Variants in RFC3 observed in about 807,000 individuals in gnomAD.
RFC3 encodes the protein replication factor C subunit 3, also known as A1 38 kDa subunit.
A neutral mutation model predicts 45.1 loss-of-function variants in RFC3; 41 were observed. The ratio of observed to expected loss-of-function variants is 0.91; its 90% CI spans 0.71 to 1.18. The LOEUF (loss-of-function observed/expected upper bound fraction) is 1.18, where lower values mean the gene tolerates loss of function less well. Ranked by LOEUF, RFC3 falls within the 50% of genes most tolerant of loss-of-function variation. RFC3 has a pLI of 0.00. For synonymous variants in RFC3, 149 were observed against 144.0 expected (o/e 1.03, Z -0.25); for missense variants, 423 against 428.1 (o/e 0.99, Z 0.10).
chr13:33,882,568 G>A (rs1183032560), intron 8 of RFC3, among the ~76,000 whole-genome samples: 6 of 152,180 alleles, frequency 3.9e-5, no homozygotes, highest in East Asian at 1.9e-4. Flanking sequence ...TATGCCTGCC[G>A]TGTGAGGATA....
the RFC3 span, among the ~76,000 whole-genome samples, chr13:33,975,828 T>C: frequency 6.6e-6 from 1 of 152,184 alleles, no homozygotes; most frequent in Non-Finnish European, 1.5e-5. Context: ...ATTAATTTAA[T>C]GTATATGCAT....
intron 8 of RFC3, among the ~76,000 whole-genome samples, chr13:33,927,826 G>C (rs1318124865): frequency 6.6e-6 from 1 of 152,070 alleles, no homozygotes; most frequent in African/African-American, 2.4e-5. Context: ...GTGAGAAATA[G>C]GTTGATTTAC....
At chr13:33,925,128 A>ACACG (rs1566030547) in intron 8 of RFC3, among the ~76,000 whole-genome samples, 48 of 148,262 alleles carry the variant, frequency 3.2e-4, no homozygotes, top group East Asian at 1.2e-3. Context: ...GTACATATAT[A>ACACG]CATGCATATA....
intron 8 of RFC3, among the ~76,000 whole-genome samples, chr13:33,956,476 C>T (rs2083022626): frequency 6.6e-6 from 1 of 152,214 alleles, no homozygotes; most frequent in South Asian, 2.1e-4. Flanking sequence ...TAATAAATTT[C>T]CCTAAACTCT....
At chr13:33,958,116 G>A (rs1158594499) in intron 8 of RFC3, among the ~76,000 whole-genome samples, 12 of 152,342 alleles carry the variant, frequency 7.9e-5, no homozygotes, top group East Asian at 1.9e-4. Flanking sequence ...CATGGATAGC[G>A]AGATCAGAGA....
chr13:33,936,782 G>C (rs1346611595), intron 8 of RFC3, among the ~76,000 whole-genome samples: 1 of 152,124 alleles, frequency 6.6e-6, no homozygotes, highest in Non-Finnish European at 1.5e-5. Flanking sequence ...TTCAGTTATT[G>C]TGAGCCATTC....
At chr13:33,820,017 C>T (rs3135547) in intron 1 of RFC3, among the ~76,000 whole-genome samples, 5,278 of 152,214 alleles carry the variant, frequency 0.035, 191 homozygotes, top group African/African-American at 0.086. Context: ...TATTAAAATT[C>T]ATTGCAATAA....
rs2082088882 is a variant in RFC3 at position 33,830,159 on chromosome 13, C to G, written c.573+142C>G. 2.2e-5 allele frequency: 15 copies of G among 676,154 alleles called. 1 individual carries two copies. The South Asian group carries it at 2.7e-4, about 12-fold the overall frequency. 41.9% of individuals were successfully genotyped at this position (676,154 alleles called of 1,614,324 possible). ...TGCAAAGCATTAATATGTGAACAAA[C>G]CAAAGCGTATAGTTGTAAATACCAG... is the stretch of plus-strand genomic sequence containing the variant. On this transcript the variant is annotated intron_variant, in intron 5 of 8. Transcript: ENST00000380071.
chr13:33,870,276 G>A (rs1439566190), intron 8 of RFC3, among the ~76,000 whole-genome samples: 2 of 152,164 alleles, frequency 1.3e-5, no homozygotes, highest in African/African-American at 4.8e-5. Context: ...TGTTTATTCA[G>A]AAGAAATGAA....
At chr13:33,907,653 T>C (rs573747745) in intron 8 of RFC3, among the ~76,000 whole-genome samples, 1 of 152,194 alleles carries the variant, frequency 6.6e-6, no homozygotes, top group East Asian at 1.9e-4. Flanking sequence ...ATCATCCTAA[T>C]AGATATTATT....
At chr13:33,956,222 A>G (rs540762510) in intron 8 of RFC3, among the ~76,000 whole-genome samples, 3 of 152,342 alleles carry the variant, frequency 2.0e-5, no homozygotes, top group Non-Finnish European at 4.4e-5. Flanking sequence ...CCTTTCTTGC[A>G]CTGAGGTTAA....
At chr13:33,940,567 C>T (rs2082916714) in intron 8 of RFC3, among the ~76,000 whole-genome samples, 1 of 152,176 alleles carries the variant, frequency 6.6e-6, no homozygotes, top group East Asian at 1.9e-4. Context: ...ATGCTGTTGT[C>T]ATAGCCATTA....
chr13:33,925,105 A>G (rs1338401849), intron 8 of RFC3, among the ~76,000 whole-genome samples: 2 of 148,412 alleles, frequency 1.3e-5, no homozygotes, highest in East Asian at 3.9e-4. Context: ...TACTATATAC[A>G]CGCATATATA....
chr13:33,972,262 A>G, the RFC3 span, among the ~76,000 whole-genome samples: 1 of 152,192 alleles, frequency 6.6e-6, no homozygotes, highest in Non-Finnish European at 1.5e-5. Context: ...GTTTACCTTT[A>G]TTACAGCCCC....
chr13:33,835,373 A>G (rs2139425569), intron 8 of RFC3, 156 bp downstream of exon 8: 5 of 743,644 alleles, frequency 6.7e-6, no homozygotes, highest in Non-Finnish European at 1.2e-5. Context: ...GCCAGGCACT[A>G]TTAGAGGAAT....
intron 8 of RFC3, among the ~76,000 whole-genome samples, chr13:33,916,137 G>T (rs978230247): frequency 1.6e-4 from 25 of 152,140 alleles, no homozygotes; most frequent in Non-Finnish European, 3.5e-4. Context: ...GCTTCATTAG[G>T]GTTAGACATT....
At chr13:33,952,887 C>T (rs1320779417) in intron 8 of RFC3, among the ~76,000 whole-genome samples, 1 of 152,204 alleles carries the variant, frequency 6.6e-6, no homozygotes, top group Non-Finnish European at 1.5e-5. Flanking sequence ...TAATTTCCAG[C>T]CCTTGGTTGC....
chr13:33,855,099 G>T (rs1226506359), intron 8 of RFC3, among the ~76,000 whole-genome samples: 1 of 151,676 alleles, frequency 6.6e-6, no homozygotes, highest in Non-Finnish European at 1.5e-5. Flanking sequence ...CAACAGGCAA[G>T]AAAAAAAAGG....
chr13:33,828,836 C>T (rs956874417), intron 4 of RFC3, among the ~76,000 whole-genome samples: 2 of 152,178 alleles, frequency 1.3e-5, no homozygotes, highest in African/African-American at 4.8e-5. Context: ...TGTGCCTGGC[C>T]AACTGCTGCT....
Sources: gnomAD v4.1 joint callset for allele counts (sites outside exome capture counted in the v4.1 genomes callset) on GRCh38, gnomAD v4.1.1 for gene constraint, MANE v1.5 for transcripts, NCBI Gene and HGNC (gene_info 2026-07-23, HGNC 2026-07-21) for gene names.